ADAMTSL3: variants seen among roughly 807,000 people sequenced by gnomAD.
The protein encoded by ADAMTSL3 is ADAMTS like 3, also known as ADAMTS-like protein 3.
Under a neutral mutation model 201.7 loss-of-function variants are expected in ADAMTSL3, and 128 were observed. The ratio of observed to expected loss-of-function variants is 0.63; its 90% CI spans 0.55 to 0.73. The LOEUF (loss-of-function observed/expected upper bound fraction) is 0.73, where lower values mean the gene tolerates loss of function less well. ADAMTSL3 is among the 30% of genes least tolerant of loss of function. The pLI, the probability that ADAMTSL3 is intolerant of heterozygous loss-of-function variation, is 0.00. For missense variants in ADAMTSL3, 1,990 were observed against 2,119.6 expected, an observed-to-expected ratio of 0.94 and a Z score of 1.20; for synonymous variants, 738 against 748.4, an observed-to-expected ratio of 0.99 and a Z score of 0.23.
chr15:83,975,065 G>T (rs187739413), intron 20 of ADAMTSL3, among the ~76,000 whole-genome samples: 1 of 144,016 alleles, frequency 6.9e-6, no homozygotes, highest in Non-Finnish European at 1.5e-5. Context: ...GCAGTGGCGC[G>T]ATCTCAGCTC....
At chr15:83,995,669 A>G (rs766463379) in intron 23 of ADAMTSL3, among the ~76,000 whole-genome samples, 1 of 152,140 alleles carries the variant, frequency 6.6e-6, no homozygotes, top group Admixed American at 6.5e-5. Flanking sequence ...TATAGATAAT[A>G]TAATTATCCC....
chr15:83,751,659 G>C (rs1462898592), intron 3 of ADAMTSL3, among the ~76,000 whole-genome samples: 1 of 152,154 alleles, frequency 6.6e-6, no homozygotes, highest in Non-Finnish European at 1.5e-5. Flanking sequence ...ACAGAAAACT[G>C]TATATAGAAG....
At chr15:83,695,114 GGT>G (rs1443939940) in intron 2 of ADAMTSL3, among the ~76,000 whole-genome samples, 6 of 142,060 alleles carry the variant, frequency 4.2e-5, no homozygotes, top group South Asian at 4.6e-4. Context: ...GTGCATGTGT[GGT>G]GTGTGTGTGT....
At chr15:83,988,630 C>G (rs2067525682) in intron 21 of ADAMTSL3, 61 bp from the exon 22 acceptor site, 1 of 1,416,758 alleles carries the variant, frequency 7.1e-7, no homozygotes, top group Non-Finnish European at 9.4e-7. Context: ...CTGCAACTCA[C>G]TGTAGCCCTA....
intron 6 of ADAMTSL3, among the ~76,000 whole-genome samples, chr15:83,832,868 C>T (rs1271686317): frequency 1.3e-5 from 2 of 152,184 alleles, no homozygotes; most frequent in Non-Finnish European, 2.9e-5. Context: ...AAATTTGCTT[C>T]TGCTTTGGAG....
At chr15:83,920,015 G>A (rs1310865601) in intron 16 of ADAMTSL3, among the ~76,000 whole-genome samples, 2 of 152,134 alleles carry the variant, frequency 1.3e-5, no homozygotes, top group Admixed American at 6.5e-5. Flanking sequence ...TTGAGGTAAT[G>A]AGGTAATTTT....
At chr15:84,024,235 G>A (rs184677235) in intron 26 of ADAMTSL3, among the ~76,000 whole-genome samples, 2 of 152,166 alleles carry the variant, frequency 1.3e-5, no homozygotes, top group African/African-American at 2.4e-5. Context: ...CAGCCTGGGC[G>A]ACAGAATGAG....
chr15:83,832,548 A>T (rs1596291796), intron 6 of ADAMTSL3, among the ~76,000 whole-genome samples: 1 of 152,256 alleles, frequency 6.6e-6, no homozygotes, highest in East Asian at 1.9e-4. Context: ...TCTTGGTAGA[A>T]TTCAGTATCT....
chr15:83,723,996 C>G (rs1319147338), intron 3 of ADAMTSL3, among the ~76,000 whole-genome samples: 20 of 151,752 alleles, frequency 1.3e-4, no homozygotes. Flanking sequence ...GAATGGACAT[C>G]CAAGGCTCAA....
chr15:83,778,711 A>G (rs1204862762), intron 4 of ADAMTSL3, among the ~76,000 whole-genome samples: 1 of 152,228 alleles, frequency 6.6e-6, no homozygotes, highest in Non-Finnish European at 1.5e-5. Context: ...CACATAAACA[A>G]GTCTGCAAAA....
At chr15:83,710,557 C>A (rs1046520986) in intron 3 of ADAMTSL3, among the ~76,000 whole-genome samples, 3 of 152,004 alleles carry the variant, frequency 2.0e-5, no homozygotes, top group Admixed American at 6.6e-5. Context: ...TATGAATCAG[C>A]CTATATTTGT....
At chr15:83,916,427 A>G (rs1277543068) in intron 16 of ADAMTSL3, among the ~76,000 whole-genome samples, 2 of 152,222 alleles carry the variant, frequency 1.3e-5, no homozygotes, top group Admixed American at 1.3e-4. Flanking sequence ...ATAGAAAATG[A>G]ATAACTTGAT....
intron 16 of ADAMTSL3, among the ~76,000 whole-genome samples, chr15:83,919,703 A>G (rs1463726179): frequency 6.6e-6 from 1 of 152,072 alleles, no homozygotes; most frequent in Non-Finnish European, 1.5e-5. Context: ...GGTGGTGTTA[A>G]TGTCAGAGAC....
At chr15:83,985,664 G>A (rs374856012) in intron 21 of ADAMTSL3, among the ~76,000 whole-genome samples, 6 of 151,624 alleles carry the variant, frequency 4.0e-5, no homozygotes, top group Admixed American at 1.3e-4. Flanking sequence ...AGACAGTCTC[G>A]CTTTGTCACC....
intron 3 of ADAMTSL3, among the ~76,000 whole-genome samples, chr15:83,724,925 G>A (rs2062151542): frequency 1.3e-5 from 2 of 151,792 alleles, no homozygotes; most frequent in Admixed American, 1.3e-4. Flanking sequence ...TTGTGTATAT[G>A]CATCACATTT....
At chr15:83,941,944 T>G (rs2066569154) in intron 17 of ADAMTSL3, among the ~76,000 whole-genome samples, 1 of 152,176 alleles carries the variant, frequency 6.6e-6, no homozygotes, top group African/African-American at 2.4e-5. Context: ...TTCTCCAATG[T>G]GGTTAGGGGT....
intron 10 of ADAMTSL3, among the ~76,000 whole-genome samples, chr15:83,887,309 G>A (rs1176846177): frequency 6.6e-6 from 1 of 152,118 alleles, no homozygotes; most frequent in African/African-American, 2.4e-5. Flanking sequence ...CTTTAAGGGG[G>A]CATTTATTCA....
chr15:83,682,398 G>T (rs8035958), intron 2 of ADAMTSL3, among the ~76,000 whole-genome samples: 6,168 of 152,260 alleles, frequency 0.041, 406 homozygotes, highest in African/African-American at 0.14. Flanking sequence ...GACTCTACTT[G>T]TCACACTACC....
At position 83,873,718 on chromosome 15, in the gene ADAMTSL3, G is replaced by A. The variant is rs1362852923; in HGVS notation, c.960+2759G>A. 1.0e-4 allele frequency among the ~76,000 whole-genome samples: 15 copies of A among 145,384 alleles called. 3 individuals are homozygous for A. Among genetic ancestry groups the A allele is most frequent in the Admixed American group, 1.0e-3 (15 of 14,870 alleles). On this transcript the variant is annotated intron_variant, in intron 9 of 29. Coordinates refer to ENST00000286744, the MANE Select transcript of ADAMTSL3 (RefSeq NM_207517.3). ...TAAAACTCATTTTCCTCATCAAACA[G>A]TGGTAATACACTTTTGCAAATGTTA...
Sources: gnomAD v4.1 joint callset for allele counts (sites outside exome capture counted in the v4.1 genomes callset) on GRCh38, gnomAD v4.1.1 for gene constraint, MANE v1.5 for transcripts, NCBI Gene and HGNC (gene_info 2026-07-23, HGNC 2026-07-21) for gene names.